The following GRIN2A variants were observed in gnomAD, a reference collection of about 807,000 sequenced individuals.
GRIN2A encodes glutamate ionotropic receptor NMDA type subunit 2A.
Under a neutral mutation model 113.4 loss-of-function variants are expected in GRIN2A, and 22 were observed. That is an observed-to-expected ratio of 0.19 (90% CI 0.14 to 0.28). GRIN2A has a LOEUF of 0.28. Ranked by LOEUF, GRIN2A falls within the 10% of genes least tolerant of loss-of-function variation. GRIN2A has a pLI of 1.00. For synonymous variants in GRIN2A, 827 were observed against 738.4 expected, an observed-to-expected ratio of 1.12 and a Z score of -1.94; for missense variants, 1,502 against 1,887.0, an observed-to-expected ratio of 0.80 and a Z score of 3.78.
intron 2 of GRIN2A, among the ~76,000 whole-genome samples, chr16:9,980,578 G>C (rs549647526): frequency 3.3e-5 from 5 of 152,030 alleles, no homozygotes; most frequent in Admixed American, 1.3e-4. Context: ...CAAAGACTTG[G>C]AACCAACCCA....
At chr16:9,786,892 T>G (rs2141197408) in intron 11 of GRIN2A, among the ~76,000 whole-genome samples, 1 of 152,258 alleles carries the variant, frequency 6.6e-6, no homozygotes, top group South Asian at 2.1e-4. Context: ...CTCCGACCAT[T>G]TTCTTCTCTT....
At chr16:9,994,202 C>G (rs532126527) in intron 2 of GRIN2A, among the ~76,000 whole-genome samples, 2 of 152,214 alleles carry the variant, frequency 1.3e-5, no homozygotes, top group African/African-American at 4.8e-5. Flanking sequence ...TTTCCAATTT[C>G]CAACGCGAAC....
chr16:9,997,968 G>A (rs2046256264), intron 2 of GRIN2A, among the ~76,000 whole-genome samples: 1 of 152,066 alleles, frequency 6.6e-6, no homozygotes, highest in South Asian at 2.1e-4. Context: ...CCAGTCTTGG[G>A]TATTTCTTCA....
chr16:9,977,150 G>C lies in GRIN2A; in HGVS notation c.415-38599C>G, dbSNP rs11642681. Among the ~76,000 whole-genome samples, 4,502 of 152,248 alleles carry C rather than the reference G, an allele frequency of 0.03. 103 individuals carry two copies. The highest frequency in any genetic ancestry group is 0.043 in the Non-Finnish European group (2,928 of 68,012). ...CCATTTTCAAAAATTAAACAAGCCAGGTGTGGGGACACATGCCTGTAATCC... is the reference window on the plus strand; with the variant it reads ...CCATTTTCAAAAATTAAACAAGCCACGTGTGGGGACACATGCCTGTAATCC... On this transcript the variant is annotated intron_variant, in intron 2 of 12. Transcript: ENST00000330684.
Position 9,828,829 on chromosome 16 carries a change from G to A in GRIN2A, c.2007+594C>T, listed in dbSNP as rs190061962. On this transcript the variant is annotated intron_variant, in intron 9 of 12. Coordinates refer to ENST00000330684, the MANE Select transcript of GRIN2A (RefSeq NM_001134407.3). ...ATATCTGAGTAGAAAGAACCAGTGG[G>A]AAATTAAAAAAACAGAAAGAAAGAA... Among the ~76,000 whole-genome samples the A allele has an allele frequency of 1.5e-3, 232 of 152,104 alleles. 3 individuals are homozygous for A. Among genetic ancestry groups the A allele is most frequent in the African/African-American group, 5.4e-3 (223 of 41,490 alleles).
chr16:9,755,674 G>T lies in GRIN2A; in HGVS notation c.*7475C>A. ...GCTTAGACCATGGAGAGGGGGGAAT[G>T]CAGGAAAGGCAGTGTGTGCTCAGGG... On this transcript the variant is annotated 3_prime_UTR_variant, in exon 13 of 13. Coordinates refer to ENST00000330684, the MANE Select transcript of GRIN2A (RefSeq NM_001134407.3). 5.0e-6 allele frequency: 1 copy of T among 201,266 alleles called. No individual in the cohort carries two copies. Among genetic ancestry groups the T allele is most frequent in the East Asian group, 7.5e-5 (1 of 13,340 alleles). 12.5% of individuals were successfully genotyped at this position (201,266 alleles called of 1,614,324 possible).
chr16:10,111,139 C>T (rs2048605566), intron 2 of GRIN2A, among the ~76,000 whole-genome samples: 1 of 152,182 alleles, frequency 6.6e-6, no homozygotes, highest in Admixed American at 6.5e-5. Flanking sequence ...TAAAAGGAAT[C>T]TATACTGAGA....
At chr16:10,039,813 A>AGAGAG (rs1555469303) in intron 2 of GRIN2A, among the ~76,000 whole-genome samples, 9 of 73,578 alleles carry the variant, frequency 1.2e-4, no homozygotes, top group African/African-American at 2.0e-4. Context: ...GGGGGGGAGA[A>AGAGAG]AGAGAGAGAG....
At chr16:9,928,517 A>G (rs899854326) in intron 3 of GRIN2A, among the ~76,000 whole-genome samples, 3 of 152,178 alleles carry the variant, frequency 2.0e-5, no homozygotes, top group African/African-American at 7.2e-5. Context: ...AAACAAAAAC[A>G]GAGGTTTTCC....
chr16:9,908,409 CT>C (rs57977147), intron 3 of GRIN2A, among the ~76,000 whole-genome samples: 3 of 151,480 alleles, frequency 2.0e-5, no homozygotes, highest in African/African-American at 4.9e-5. Flanking sequence ...AAGAATATAG[CT>C]TTTTTTTCTT....
intron 4 of GRIN2A, among the ~76,000 whole-genome samples, chr16:9,872,571 T>C (rs72781999): frequency 6.6e-6 from 1 of 152,348 alleles, no homozygotes; most frequent in Non-Finnish European, 1.5e-5. Context: ...CTCCATGTCA[T>C]TTTGGTAATG....
intron 2 of GRIN2A, among the ~76,000 whole-genome samples, chr16:10,178,559 G>T (rs539064959): frequency 6.6e-6 from 1 of 152,288 alleles, no homozygotes; most frequent in East Asian, 1.9e-4. Flanking sequence ...CTTCTTCCCA[G>T]ACAGGAGCCC....
intron 2 of GRIN2A, 156 bp downstream of exon 2, chr16:10,179,842 A>C: frequency 5.7e-6 from 4 of 698,216 alleles, no homozygotes; most frequent in Admixed American, 2.1e-5. Flanking sequence ...TGGAGAGGCA[A>C]GACCTGGTTC....
At chr16:10,084,185 G>A (rs937431621) in intron 2 of GRIN2A, among the ~76,000 whole-genome samples, 1 of 152,174 alleles carries the variant, frequency 6.6e-6, no homozygotes, top group South Asian at 2.1e-4. Context: ...CATGTCTTCA[G>A]CACACAGTAA....
intron 2 of GRIN2A, among the ~76,000 whole-genome samples, chr16:10,092,641 A>G (rs1358263796): frequency 6.6e-5 from 10 of 152,188 alleles, no homozygotes; most frequent in Admixed American, 5.9e-4. Flanking sequence ...TAACAACTCT[A>G]TGAGGTCAGT....
intron 10 of GRIN2A, among the ~76,000 whole-genome samples, chr16:9,811,995 T>C (rs758558769): frequency 9.2e-5 from 14 of 152,134 alleles, no homozygotes; most frequent in Admixed American, 2.0e-4. Flanking sequence ...GTAGTAAAGA[T>C]TTTAAAGAAA....
In GRIN2A at chr16:9,760,871, C is replaced by G. The variant is rs1900552855; in HGVS notation, c.*2278G>C. On this transcript the variant is annotated 3_prime_UTR_variant, in exon 13 of 13. Transcript: ENST00000330684. The stretch of plus-strand genomic sequence containing the variant: ...GGGGTGGATTAAGGTCTGGAATGCA[C>G]TGGAAGGGCAGAAGGTAGAAAGGGC... The G allele has an allele frequency of 4.3e-6, 1 of 232,228 alleles. No individual in the cohort carries two copies. The highest frequency in any genetic ancestry group is 8.5e-6 in the Non-Finnish European group (1 of 117,558). 14.4% of individuals were successfully genotyped at this position (232,228 alleles called of 1,614,324 possible).
chr16:9,784,096 C>G (rs941608299), intron 11 of GRIN2A, among the ~76,000 whole-genome samples: 3 of 152,058 alleles, frequency 2.0e-5, no homozygotes, highest in African/African-American at 7.2e-5. Context: ...TATAGCAAAC[C>G]CGTACATGTA....
intron 2 of GRIN2A, chr16:10,112,511 C>T (rs970171277): frequency 7.2e-5 from 63 of 872,060 alleles, no homozygotes; most frequent in Non-Finnish European, 1.1e-4. Flanking sequence ...GGCCCTGGCC[C>T]TTGGAGCCTC....
Sources: allele counts gnomAD v4.1 joint callset (sites outside exome capture counted in the v4.1 genomes callset), GRCh38; gene constraint gnomAD v4.1.1; transcripts MANE v1.5; gene names NCBI Gene and HGNC (gene_info 2026-07-23, HGNC 2026-07-21).